Variants in SYT16 observed in about 807,000 individuals in gnomAD.
SYT16 encodes the protein synaptotagmin 16, also known as synaptotagmin-16.
In SYT16, 42 loss-of-function variants were observed where a neutral mutation model predicts 61.4. The observed-to-expected ratio is 0.68, with a 90% confidence interval of 0.53 to 0.89. The LOEUF is 0.89. SYT16 is among the 40% of genes least tolerant of loss of function. The pLI, the probability that SYT16 is intolerant of heterozygous loss-of-function variation, is 0.00. For synonymous variants in SYT16, 314 were observed against 302.3 expected (o/e 1.04, Z -0.40); for missense variants, 804 against 807.3 (o/e 1.00, Z 0.05).
intron 3 of SYT16, among the ~76,000 whole-genome samples, chr14:62,049,439 G>A (rs553357263): frequency 1.1e-4 from 17 of 152,156 alleles, no homozygotes; most frequent in Non-Finnish European, 2.4e-4. Context: ...CAATTTGCCA[G>A]TCTGTGTCTT....
chr14:62,072,968 A>C (rs1226498713), intron 4 of SYT16, among the ~76,000 whole-genome samples: 1 of 152,168 alleles, frequency 6.6e-6, no homozygotes, highest in Non-Finnish European at 1.5e-5. Flanking sequence ...GACAACAGGC[A>C]ATTACTTTTG....
chr14:61,872,235 A>C lies in SYT16; in HGVS notation c.-325+59425A>C, dbSNP rs370447271. ...TTTTTGTTTATTTCTTTGTAAATAC[A>C]TATTTTTAATTGATATATAATAGAT... On this transcript the variant is annotated intron_variant, in intron 1 of 7. Transcript: ENST00000683842. Among the ~76,000 whole-genome samples, 12 of 152,288 alleles carry C rather than the reference A, an allele frequency of 7.9e-5. No homozygotes were observed. The East Asian group carries it at 2.3e-3, about 29-fold the overall frequency.
At position 61,860,214 on chromosome 14, in the gene SYT16, A is replaced by AAAC. The variant is rs376899867; in HGVS notation, c.-325+47425_-325+47427dup. On this transcript the variant is annotated intron_variant, in intron 1 of 7. Transcript: ENST00000683842. ...TACTTTGAAAGAACTGCTTCTTTCCAAACAACAACAACAACAACAACAAAC... is the reference window on the plus strand; with the variant it reads ...TACTTTGAAAGAACTGCTTCTTTCCAAACAACAACAACAACAACAACAACAAAC... 6.3e-4 allele frequency among the ~76,000 whole-genome samples: 96 copies of AAAC among 152,212 alleles called. 1 individual carries two copies. Among genetic ancestry groups the AAAC allele is most frequent in the Admixed American group, 1.6e-3 (25 of 15,306 alleles).
intron 1 of SYT16, among the ~76,000 whole-genome samples, chr14:61,892,414 T>G (rs2048169491): frequency 6.6e-6 from 1 of 152,112 alleles, no homozygotes; most frequent in African/African-American, 2.4e-5. Context: ...ACCCTTGGCC[T>G]CCATTTTCTC....
At chr14:62,090,333 A>T (rs1226049220) in intron 7 of SYT16, among the ~76,000 whole-genome samples, 2 of 152,258 alleles carry the variant, frequency 1.3e-5, no homozygotes, top group Non-Finnish European at 2.9e-5. Context: ...ATAATACTTA[A>T]CAGCAGCAGC....
intron 2 of SYT16, among the ~76,000 whole-genome samples, chr14:61,981,457 T>C (rs2052072161): frequency 6.6e-6 from 1 of 152,144 alleles, no homozygotes; most frequent in South Asian, 2.1e-4. Flanking sequence ...ATGGAAACGT[T>C]CAAACATACA....
intron 1 of SYT16, among the ~76,000 whole-genome samples, chr14:61,951,377 G>C (rs777785705): frequency 6.6e-6 from 1 of 152,122 alleles, no homozygotes; most frequent in Non-Finnish European, 1.5e-5. Flanking sequence ...AAAAATATTT[G>C]TTTTAGGCTG....
At chr14:62,073,620 G>T (rs1446803253) in intron 4 of SYT16, among the ~76,000 whole-genome samples, 1 of 152,192 alleles carries the variant, frequency 6.6e-6, no homozygotes, top group Non-Finnish European at 1.5e-5. Flanking sequence ...TCAATGGCCT[G>T]CTGTGATTTT....
At chr14:61,837,797 A>G (rs952816341) in intron 1 of SYT16, among the ~76,000 whole-genome samples, 1 of 152,184 alleles carries the variant, frequency 6.6e-6, no homozygotes, top group East Asian at 1.9e-4. Context: ...CCTTGTGGCC[A>G]TGTTTGGGAA....
intron 1 of SYT16, among the ~76,000 whole-genome samples, chr14:61,938,644 G>C (rs934716744): frequency 6.6e-6 from 1 of 152,162 alleles, no homozygotes; most frequent in Non-Finnish European, 1.5e-5. Context: ...GTATCCTTAA[G>C]AGACAAGCAA....
intron 1 of SYT16, among the ~76,000 whole-genome samples, chr14:61,822,406 T>C (rs1393560509): frequency 6.6e-6 from 1 of 152,178 alleles, no homozygotes. Flanking sequence ...GGCCACTGAC[T>C]CCTGCATCAT....
At chr14:61,820,697 GTCATGAAC>G (rs1171456777) in intron 1 of SYT16, among the ~76,000 whole-genome samples, 1 of 151,904 alleles carries the variant, frequency 6.6e-6, no homozygotes, top group African/African-American at 2.4e-5. Context: ...GGCCAGGCTG[GTCATGAAC>G]TCCTGACCCC....
intron 1 of SYT16, among the ~76,000 whole-genome samples, chr14:61,955,842 G>A (rs2050853282): frequency 6.6e-6 from 1 of 151,890 alleles, no homozygotes; most frequent in South Asian, 2.1e-4. Context: ...TAATTCTATG[G>A]TTAATTTTTT....
intron 1 of SYT16, among the ~76,000 whole-genome samples, chr14:61,926,827 A>C (rs1288186483): frequency 6.6e-6 from 1 of 152,132 alleles, no homozygotes; most frequent in African/African-American, 2.4e-5. Flanking sequence ...CAGGGCTTTC[A>C]GTTTCAGAGG....
chr14:61,852,511 G>A (rs560366324), intron 1 of SYT16, among the ~76,000 whole-genome samples: 1 of 152,298 alleles, frequency 6.6e-6, no homozygotes, highest in South Asian at 2.1e-4. Context: ...ACTTTGGGCA[G>A]TATGGCCATT....
chr14:61,874,557 G>T (rs757363686), intron 1 of SYT16, among the ~76,000 whole-genome samples: 8 of 152,092 alleles, frequency 5.3e-5, no homozygotes, highest in Non-Finnish European at 8.8e-5. Context: ...GTCATCACAC[G>T]TTTGTGCCCA....
At chr14:62,006,911 C>A (rs1004254812) in intron 3 of SYT16, among the ~76,000 whole-genome samples, 2 of 152,076 alleles carry the variant, frequency 1.3e-5, no homozygotes, top group African/African-American at 2.4e-5. Flanking sequence ...GTGTTCCAAG[C>A]ACATTGGCAT....
At chr14:62,072,978 G>T (rs780882358) in intron 4 of SYT16, among the ~76,000 whole-genome samples, 73 of 152,176 alleles carry the variant, frequency 4.8e-4, no homozygotes, top group Middle Eastern at 3.4e-3. Context: ...AATTACTTTT[G>T]TGCGTCTATT....
chr14:61,890,784 T>C (rs2048096325), intron 1 of SYT16, among the ~76,000 whole-genome samples: 1 of 152,120 alleles, frequency 6.6e-6, no homozygotes. Flanking sequence ...ATAGCTGTGG[T>C]TCTGTGAGTG....
Sources: gnomAD v4.1 joint callset for allele counts (sites outside exome capture counted in the v4.1 genomes callset) on GRCh38, gnomAD v4.1.1 for gene constraint, MANE v1.5 for transcripts, NCBI Gene and HGNC (gene_info 2026-07-23, HGNC 2026-07-21) for gene names.